Variants in TECR observed in about 807,000 individuals in gnomAD.
TECR encodes trans-2,3-enoyl-CoA reductase, also known as very-long-chain enoyl-CoA reductase.
Under a neutral mutation model 50.6 loss-of-function variants are expected in TECR, and 19 were observed. The observed-to-expected ratio is 0.38, with a 90% CI of 0.26 to 0.55. TECR has a LOEUF of 0.55. Ranked by LOEUF, TECR falls within the 20% of genes least tolerant of loss-of-function variation. The pLI, the probability that TECR is intolerant of heterozygous loss-of-function variation, is 0.79. For synonymous variants in TECR, 168 were observed against 163.5 expected (o/e 1.03, Z -0.21); for missense variants, 313 against 408.3 (o/e 0.77, Z 2.01).
At chr19:14,539,887 T>C (rs997549499) in intron 1 of TECR, among the ~76,000 whole-genome samples, 2 of 151,350 alleles carry the variant, frequency 1.3e-5, no homozygotes, top group Non-Finnish European at 2.9e-5. Context: ...TTTCTTTTTT[T>C]TTTTTTTTCT....
At chr19:14,562,684 C>A in intron 2 of TECR, 109 bp downstream of exon 2, 2 of 1,268,518 alleles carry the variant, frequency 1.6e-6, no homozygotes, top group Non-Finnish European at 2.3e-6. Flanking sequence ...ACCCCCTGCC[C>A]TATGGAGGGG....
intron 1 of TECR, among the ~76,000 whole-genome samples, chr19:14,548,043 C>T (rs557699585): frequency 1.3e-4 from 19 of 151,150 alleles, no homozygotes; most frequent in African/African-American, 4.6e-4. Flanking sequence ...AGTTCACTGC[C>T]ACCTCTGCCT....
intron 1 of TECR, among the ~76,000 whole-genome samples, chr19:14,548,821 C>T (rs1036260889): frequency 2.0e-5 from 3 of 152,054 alleles, no homozygotes; most frequent in South Asian, 2.1e-4. Context: ...GTGATCTGCT[C>T]ACTTTGGCCT....
At chr19:14,558,892 G>A (rs1352596375) in intron 1 of TECR, among the ~76,000 whole-genome samples, 1 of 152,206 alleles carries the variant, frequency 6.6e-6, no homozygotes, top group Admixed American at 6.5e-5. Flanking sequence ...TCCCCTGCCT[G>A]GGGCTCTGTT....
chr19:14,555,076 CTTG>C (rs936729589), intron 1 of TECR, among the ~76,000 whole-genome samples: 2 of 151,208 alleles, frequency 1.3e-5, no homozygotes, highest in African/African-American at 4.9e-5. Flanking sequence ...TGCGCCTGGC[CTTG>C]TTTTTTTTTT....
chr19:14,563,607 CG>C lies in TECR; in HGVS notation c.119-49del. The C allele has an allele frequency of 1.2e-6, 2 of 1,608,198 alleles. No individual in the cohort carries two copies. The highest frequency in any genetic ancestry group is 1.7e-6 in the Non-Finnish European group (2 of 1,178,550). ...CTGGCACAGTGGCTGGGCAGCGGAC[CG>C]GCTGAGCCCTGCCAGGCTGTGGGCT... On this transcript the variant is annotated intron_variant, in intron 3 of 12. Transcript: ENST00000215567. The surrounding 1 kb of genome is among the most constrained non-coding windows in gnomAD (Gnocchi z 5.3).
At chr19:14,552,505 G>A (rs750630159) in intron 1 of TECR, among the ~76,000 whole-genome samples, 2 of 151,226 alleles carry the variant, frequency 1.3e-5, no homozygotes, top group African/African-American at 2.4e-5. Flanking sequence ...TCCAAGCCAC[G>A]TAACAGGCAT....
intron 1 of TECR, chr19:14,531,078 G>GGGCTGGAGTGCAATGGC (rs1383268529): frequency 6.6e-6 from 1 of 151,936 alleles, no homozygotes; most frequent in Non-Finnish European, 1.5e-5. Flanking sequence ...CTTATTGCCC[G>GGGCTGGAGTGCAATGGC]GGCTGGAGTG....
In TECR at chr19:14,563,087, C is replaced by G; in HGVS notation, c.67-119C>G. ...CTGCAGGCAGAGGCCTGGACCCCAG[C>G]CCTTCCCCCTTCCCATAGCTACAGC... On this transcript the variant is annotated intron_variant, in intron 2 of 12. Coordinates refer to ENST00000215567, the MANE Select transcript of TECR (RefSeq NM_138501.6). The surrounding 1 kb of genome is among the most constrained non-coding windows in gnomAD (Gnocchi z 5.3). 4.8e-5 allele frequency: 58 copies of G among 1,199,932 alleles called. No individual in the cohort carries two copies. The highest frequency in any genetic ancestry group is 1.9e-4 in the Middle Eastern group (1 of 5,230). The allele number at this position is 1,199,932 out of a possible 1,614,324, so 74.3% of individuals were successfully genotyped here. A position where few individuals can be genotyped will look rare whatever the true frequency, so the allele number is the denominator to read the frequency against.
rs1463721326 is a variant in TECR at position 14,563,062 on chromosome 19, C to G, written c.67-144C>G. ...AGGGCCCTCGGTGGTCCTTCCCTGACTGCAGGCAGAGGCCTGGACCCCAGC... is the reference window on the plus strand; with the variant it reads ...AGGGCCCTCGGTGGTCCTTCCCTGAGTGCAGGCAGAGGCCTGGACCCCAGC... On this transcript the variant is annotated intron_variant, in intron 2 of 12. Transcript: ENST00000215567. This position sits in a 1 kb window ranked among gnomAD's most constrained non-coding sequence, Gnocchi z 5.3. The G allele has an allele frequency of 9.8e-7, 1 of 1,024,162 alleles. No homozygotes were observed. The highest frequency in any genetic ancestry group is 1.5e-6 in the Non-Finnish European group (1 of 688,766). 63.4% of individuals were successfully genotyped at this position (1,024,162 alleles called of 1,614,324 possible). A position where few individuals can be genotyped will look rare whatever the true frequency, so the allele number is the denominator to read the frequency against.
intron 1 of TECR, among the ~76,000 whole-genome samples, chr19:14,557,514 C>A (rs892750704): frequency 6.8e-6 from 1 of 146,742 alleles, no homozygotes; most frequent in Non-Finnish European, 1.5e-5. Flanking sequence ...TGCAGTGGTG[C>A]GATATCAGCT....
chr19:14,534,068 C>G (rs1250074654), intron 1 of TECR: 1 of 152,052 alleles, frequency 6.6e-6, no homozygotes, highest in African/African-American at 2.4e-5. Flanking sequence ...TTTCCCGCAG[C>G]TGAATACCCA....
intron 1 of TECR, among the ~76,000 whole-genome samples, chr19:14,560,637 C>T (rs1468851483): frequency 1.3e-5 from 2 of 152,214 alleles, no homozygotes; most frequent in African/African-American, 4.8e-5. Flanking sequence ...GTTCAGTAAC[C>T]TTCCCCTAGA....
chr19:14,533,492 T>A (rs764707182), intron 1 of TECR, among the ~76,000 whole-genome samples: 1 of 152,142 alleles, frequency 6.6e-6, no homozygotes, highest in Non-Finnish European at 1.5e-5. Context: ...CAGTCTGTTG[T>A]CCACTGAAAG....
At chr19:14,549,177 C>T (rs867555233) in intron 1 of TECR, among the ~76,000 whole-genome samples, 2 of 150,628 alleles carry the variant, frequency 1.3e-5, no homozygotes, top group Non-Finnish European at 2.9e-5. Flanking sequence ...CCATCATTAC[C>T]TTCACAGAAT....
chr19:14,555,160 C>T (rs962180506), intron 1 of TECR, among the ~76,000 whole-genome samples: 6 of 151,710 alleles, frequency 4.0e-5, no homozygotes, highest in Non-Finnish European at 5.9e-5. Context: ...CTCACTGCAG[C>T]CTGGAACTCC....
intron 1 of TECR, among the ~76,000 whole-genome samples, chr19:14,544,342 A>G (rs2073229408): frequency 6.6e-6 from 1 of 152,018 alleles, no homozygotes; most frequent in South Asian, 2.1e-4. Context: ...GGGTCTCTGG[A>G]TACTTGTGGA....
At chr19:14,537,744 GT>G (rs533380690) in intron 1 of TECR, among the ~76,000 whole-genome samples, 278 of 126,216 alleles carry the variant, frequency 2.2e-3, no homozygotes, top group African/African-American at 3.5e-3. Flanking sequence ...AATTATCAGT[GT>G]TTTTTTTTTT....
In TECR at chr19:14,563,515, G is replaced by A; in HGVS notation, c.119-143G>A. Reference sequence around the variant, plus strand: ...GTGTCCTGAAACCGCACAAGCCTGAGGGTTTGCCCCCAGGTGGGAGGAGCT... The same window carrying A: ...GTGTCCTGAAACCGCACAAGCCTGAAGGTTTGCCCCCAGGTGGGAGGAGCT... On this transcript the variant is annotated intron_variant, in intron 3 of 12. Coordinates refer to ENST00000215567, the MANE Select transcript of TECR (RefSeq NM_138501.6). The surrounding 1 kb of genome is among the most constrained non-coding windows in gnomAD (Gnocchi z 5.3). 1 of 1,103,320 alleles carries A rather than the reference G, an allele frequency of 9.1e-7. No homozygotes were observed. Among genetic ancestry groups the A allele is most frequent in the South Asian group, 1.3e-5 (1 of 77,058 alleles). 68.3% of individuals were successfully genotyped at this position (1,103,320 alleles called of 1,614,324 possible).
Sources: allele counts gnomAD v4.1 joint callset (sites outside exome capture counted in the v4.1 genomes callset), GRCh38; gene constraint gnomAD v4.1.1; non-coding constraint Gnocchi (gnomAD v3.1); transcripts MANE v1.5; gene names NCBI Gene and HGNC (gene_info 2026-07-23, HGNC 2026-07-21).